TOP2A: variants seen among roughly 807,000 people sequenced by gnomAD.
TOP2A encodes DNA topoisomerase 2-alpha.
TOP2A carries 68 observed loss-of-function variants against 187.2 expected under a neutral mutation model. That is an observed-to-expected ratio of 0.36 (90% confidence interval 0.30 to 0.44). The LOEUF is 0.44. Among genes scored for constraint, TOP2A ranks in the 20% least tolerant of loss-of-function variants. The pLI, the probability that TOP2A is intolerant of heterozygous loss-of-function variation, is 1.00. For synonymous variants in TOP2A, 542 were observed against 593.2 expected (o/e 0.91, Z 1.25); for missense variants, 1,196 against 1,808.7 (o/e 0.66, Z 6.14).
chr17:40,404,850 C>T lies in TOP2A; in HGVS notation c.1987G>A (p.Glu663Lys). The change falls in exon 17 of 35, where the codon GAA (glutamate) becomes AAA (lysine). Residue 663 changes from glutamate (E) to lysine (K), a missense_variant. Coordinates refer to ENST00000423485, the MANE Select transcript of TOP2A (RefSeq NM_001067.4). ...TCCTCCATGAAATTAGTTAACCATTCCTTTCGATCATCTATCTGTTTTTTG... is the reference window on the plus strand; with the variant it reads ...TCCTCCATGAAATTAGTTAACCATTTCTTTCGATCATCTATCTGTTTTTTG... ...FSKKQIDDRK[E>K]WLTNFMEDRR... is the part of the protein sequence containing the mutation. 6.3e-7 allele frequency: 1 copy of T among 1,599,568 alleles called. No homozygotes were observed. Among genetic ancestry groups the T allele is most frequent in the Non-Finnish European group, 8.5e-7 (1 of 1,172,002 alleles).
Position 40,413,601 on chromosome 17 carries a change from C to A in TOP2A, c.357G>T (p.Trp119Cys), listed in dbSNP as rs2143688073. The A allele has an allele frequency of 1.4e-6, 2 of 1,418,376 alleles. No individual in the cohort carries two copies. Among genetic ancestry groups the A allele is most frequent in the South Asian group, 1.4e-5 (1 of 71,746 alleles). The allele number at this position is 1,418,376 out of a possible 1,614,324, so 87.9% of individuals were successfully genotyped here. A position where few individuals can be genotyped will look rare whatever the true frequency, so the allele number is the denominator to read the frequency against. ...CAACAGGAATACCTTTTCCATTATT[C>A]CATATACTAATTAAATTGTTTTCCC... ...IDPENNLISIWNNGKGIPVVE... is the reference protein window; with the variant it reads ...IDPENNLISICNNGKGIPVVE... Residue 119 changes from tryptophan to cysteine, a missense_variant, in exon 5 of 35, where the codon TGG becomes TGT. This residue lies in a region of TOP2A where 97 missense variants were observed against 171.0 expected (regional missense o/e 0.57). Coordinates refer to ENST00000423485, the MANE Select transcript of TOP2A (RefSeq NM_001067.4).
chr17:40,399,201 C>G, intron 24 of TOP2A, 70 bp from the exon 25 acceptor site: 1 of 1,142,504 alleles, frequency 8.8e-7, no homozygotes, highest in South Asian at 1.4e-5. Flanking sequence ...AGGTTTTACA[C>G]AAGTCAAAAG....
intron 33 of TOP2A, among the ~76,000 whole-genome samples, chr17:40,390,640 T>C (rs1350617304): frequency 6.6e-6 from 1 of 151,622 alleles, no homozygotes; most frequent in Non-Finnish European, 1.5e-5. Context: ...TTTTTTTTTT[T>C]TTTGAGACAG....
intron 33 of TOP2A, 127 bp downstream of exon 33, chr17:40,391,379 C>A: frequency 2.1e-6 from 2 of 962,374 alleles, no homozygotes; most frequent in South Asian, 1.9e-5. Context: ...AAAGAAATTG[C>A]TTCCAATTGG....
intron 20 of TOP2A, among the ~76,000 whole-genome samples, chr17:40,402,535 G>C (rs1213263798): frequency 2.0e-5 from 3 of 152,152 alleles, no homozygotes; most frequent in Admixed American, 2.0e-4. Context: ...CAAGAAGGAT[G>C]GAGCAATTAG....
chr17:40,404,271 A>C lies in TOP2A; in HGVS notation c.2164T>G (p.Leu722Val). ...AAAACCTTTCTCTGACCTGGTTTCA[A>C]ACCTTTAAAATGAAATAAGAGCAAA... ...ERSIPSMVDG[L>V]KPGQRKVLFT... is the part of the protein sequence containing the mutation. Residue 722 changes from leucine to valine, a missense_variant and splice_region_variant, in exon 19 of 35, where the codon TTG (leucine) becomes GTG (valine). Leu to Val is a conservative substitution (Grantham distance 32). Transcript: ENST00000423485. 6.2e-7 allele frequency: 1 copy of C among 1,612,610 alleles called. No homozygotes were observed. Among genetic ancestry groups the C allele is most frequent in the Non-Finnish European group, 8.5e-7 (1 of 1,179,498 alleles).
rs1413856865 is a variant in TOP2A at position 40,412,866 on chromosome 17, T to C, written c.682A>G (p.Met228Val). The part of the protein sequence containing the change: ...TFQPDLSKFK[M>V]QSLDKDIVAL... ...ACAATATCTTTGTCCAGGCTTTGCA[T>C]TTTAAACTTAGACAAATCAGGCTGA... The change falls in exon 7 of 35, where the codon ATG becomes GTG. Residue 228 changes from methionine to valine, a missense_variant. By Grantham distance (21) the Met-to-Val change is conservative. This residue lies in a region of TOP2A where 252 missense variants were observed against 434.8 expected (regional missense o/e 0.58). Transcript: ENST00000423485. 6.8e-6 allele frequency: 11 copies of C among 1,613,976 alleles called. No individual in the cohort carries two copies. The highest frequency in any genetic ancestry group is 3.3e-5 in the South Asian group (3 of 91,082).
chr17:40,411,289 G>C lies in TOP2A; in HGVS notation c.1066-43C>G, dbSNP rs372305996. On this transcript the variant is annotated intron_variant, in intron 9 of 34. Coordinates refer to ENST00000423485, the MANE Select transcript of TOP2A (RefSeq NM_001067.4). This position sits in a 1 kb window ranked among gnomAD's most constrained non-coding sequence, Gnocchi z 4.4. ...ATTAAGCCACTAAAAATGTACTCATGCTTTATTTATAGCCTTTCTCTTCTT... is the reference window on the plus strand; with the variant it reads ...ATTAAGCCACTAAAAATGTACTCATCCTTTATTTATAGCCTTTCTCTTCTT... 2.4e-4 allele frequency: 391 copies of C among 1,612,242 alleles called. 7 individuals are homozygous for C. The South Asian group carries it at 4.2e-3, about 17-fold the overall frequency.
intron 20 of TOP2A, 40 bp downstream of exon 20, chr17:40,402,866 C>G (rs2143654471): frequency 6.5e-7 from 1 of 1,549,974 alleles, no homozygotes; most frequent in Non-Finnish European, 8.7e-7. Flanking sequence ...TGTTTCAAAA[C>G]TGGAAATGGC....
intron 1 of TOP2A, among the ~76,000 whole-genome samples, chr17:40,417,145 C>T (rs971683433): frequency 3.3e-5 from 5 of 152,126 alleles, no homozygotes; most frequent in Non-Finnish European, 7.3e-5. Flanking sequence ...TTTTCTTGAG[C>T]AACATGGTAG....
chr17:40,410,750 G>T, intron 10 of TOP2A: 1 of 424,376 alleles, frequency 2.4e-6, no homozygotes, highest in Non-Finnish European at 4.6e-6. Context: ...TTTTTTGTTG[G>T]AGAGTGGGGG....
intron 4 of TOP2A, 45 bp from the exon 5 acceptor site, chr17:40,413,670 G>A (rs1275759490): frequency 1.3e-5 from 12 of 942,646 alleles, no homozygotes; most frequent in East Asian, 2.9e-5. Context: ...CACATTAAAC[G>A]AATGCTTAAC....
Position 40,400,610 on chromosome 17 carries a change from T to C in TOP2A, c.2718A>G (p.Gln906=), listed in dbSNP as rs752963285. The change falls in exon 22 of 35, where the codon CAA becomes CAG. Residue 906 remains glutamine (Q), a synonymous_variant. Coordinates refer to ENST00000423485, the MANE Select transcript of TOP2A (RefSeq NM_001067.4). The part of the protein sequence containing the change: ...KGTIEELAPN[Q]YVISGEVAIL... ...TAGCTACTTCACCACTAATCACATA[T>C]TGATTTGGAGCCAGTTCTTCAATAG... 23 of 1,610,194 alleles carry C rather than the reference T, an allele frequency of 1.4e-5. No individual in the cohort carries two copies. Among genetic ancestry groups the C allele is most frequent in the Non-Finnish European group, 1.9e-5 (22 of 1,178,702 alleles).
Position 40,411,641 on chromosome 17 carries a change from T to G in TOP2A, c.963+4A>C. 2 of 1,604,410 alleles carry G rather than the reference T, an allele frequency of 1.2e-6. No homozygotes were observed. Among genetic ancestry groups the G allele is most frequent in the Non-Finnish European group, 1.7e-6 (2 of 1,177,156 alleles). On this transcript the variant is annotated splice_donor_region_variant and intron_variant, in intron 8 of 34. Transcript: ENST00000423485. The surrounding 1 kb of genome is among the most constrained non-coding windows in gnomAD (Gnocchi z 4.4). ...CATGATTAATAATTTAAGAATAAAATTACCTTGGATGTAGCAATGCTGTTG... is the reference window on the plus strand; with the variant it reads ...CATGATTAATAATTTAAGAATAAAAGTACCTTGGATGTAGCAATGCTGTTG...
At chr17:40,414,249 G>A (rs936905107) in intron 4 of TOP2A, among the ~76,000 whole-genome samples, 3 of 152,200 alleles carry the variant, frequency 2.0e-5, no homozygotes, top group Admixed American at 1.3e-4. Flanking sequence ...CCAGGCTGCA[G>A]TGTAATGGCA....
chr17:40,406,714 G>T, intron 14 of TOP2A, 25 bp from the exon 15 acceptor site: 1 of 1,597,650 alleles, frequency 6.3e-7, no homozygotes. Flanking sequence ...AATGACTGTG[G>T]CTTTGTACAC....
At chr17:40,395,390 A>G (rs2035081418) in intron 29 of TOP2A, 59 bp downstream of exon 29, 2 of 1,094,068 alleles carry the variant, frequency 1.8e-6, no homozygotes, top group Non-Finnish European at 2.7e-6. Flanking sequence ...GGAATGTACT[A>G]GGTAACAAAC....
chr17:40,392,867 T>C, intron 29 of TOP2A, 130 bp from the exon 30 acceptor site: 2 of 792,108 alleles, frequency 2.5e-6, no homozygotes, highest in Non-Finnish European at 4.0e-6. Context: ...AAGAGACAGA[T>C]ATGGTCTCTG....
chr17:40,395,486 T>C lies in TOP2A; in HGVS notation c.3774A>G (p.Leu1258=), dbSNP rs778471486. The C allele has an allele frequency of 1.2e-6, 2 of 1,612,106 alleles. No homozygotes were observed. The highest frequency in any genetic ancestry group is 8.5e-7 in the Non-Finnish European group (1 of 1,179,000). The change falls in exon 29 of 35, where the codon CTA becomes CTG. Residue 1258 remains leucine (L), a synonymous_variant. Coordinates refer to ENST00000423485, the MANE Select transcript of TOP2A (RefSeq NM_001067.4). ...TCTGTTTCTTTTCTAATCTTTGTTT[T>C]AGGCCTTCTAGTTCCACACCATCTT... ...PQEDGVELEG[L]KQRLEKKQKR...
Sources: gnomAD v4.1 joint callset for allele counts (sites outside exome capture counted in the v4.1 genomes callset) on GRCh38, gnomAD v4.1.1 for gene constraint, gnomAD v4.1.1 regional missense constraint, Gnocchi (gnomAD v3.1) non-coding constraint, MANE v1.5 for transcripts, NCBI Gene and HGNC (gene_info 2026-07-23, HGNC 2026-07-21) for gene names.